The following CNTN4 variants were observed in gnomAD, a reference collection of about 807,000 sequenced individuals.
CNTN4 encodes contactin 4, also known as contactin-4.
Under a neutral mutation model 122.5 loss-of-function variants are expected in CNTN4, and 77 were observed. That is an observed-to-expected ratio of 0.63 (90% confidence interval 0.52 to 0.76). The LOEUF is 0.76. Ranked by LOEUF, CNTN4 falls within the 30% of genes least tolerant of loss-of-function variation. The pLI, the probability that CNTN4 is intolerant of heterozygous loss-of-function variation, is 0.00. For missense variants in CNTN4, 1,256 were observed against 1,259.1 expected, an observed-to-expected ratio of 1.00 and a Z score of 0.04; for synonymous variants, 512 against 447.0, an observed-to-expected ratio of 1.15 and a Z score of -1.83.
intron 3 of CNTN4, among the ~76,000 whole-genome samples, chr3:2,429,956 G>C (rs887469784): frequency 2.0e-5 from 3 of 152,122 alleles, no homozygotes; most frequent in African/African-American, 7.2e-5. Flanking sequence ...AATTTTCCAG[G>C]TGCCATCTGT....
intron 6 of CNTN4, among the ~76,000 whole-genome samples, chr3:2,799,704 C>G (rs970681016): frequency 1.3e-5 from 2 of 152,012 alleles, no homozygotes; most frequent in Non-Finnish European, 2.9e-5. Context: ...AGTTTCAGGT[C>G]ATAACTTTTT....
chr3:2,813,073 A>T (rs549759881), intron 6 of CNTN4, among the ~76,000 whole-genome samples: 1 of 152,338 alleles, frequency 6.6e-6, no homozygotes, highest in South Asian at 2.1e-4. Flanking sequence ...AGTCTCTTCA[A>T]TCCAGGAAAC....
chr3:2,492,318 G>A (rs775861427), intron 3 of CNTN4, among the ~76,000 whole-genome samples: 1 of 152,138 alleles, frequency 6.6e-6, no homozygotes, highest in Non-Finnish European at 1.5e-5. Flanking sequence ...ATTTCAGAGA[G>A]ATTGGAGTTT....
chr3:2,462,396 G>C (rs1307062153), intron 3 of CNTN4, among the ~76,000 whole-genome samples: 1 of 152,142 alleles, frequency 6.6e-6, no homozygotes, highest in Non-Finnish European at 1.5e-5. Flanking sequence ...TTAGATATAG[G>C]ATGAAAGAAT....
chr3:2,118,373 C>T (rs17007913), intron 2 of CNTN4, among the ~76,000 whole-genome samples: 6,758 of 152,168 alleles, frequency 0.044, 347 homozygotes, highest in East Asian at 0.24. Context: ...GCTTAAAACC[C>T]CTTAGTATGT....
rs1156913958 is a variant in CNTN4 at position 2,762,220 on chromosome 3, C to T, written c.358+16523C>T. ...AGTGTTTGTATATAAGGTAATTTTTCAACTTTTTAATTTCAGGAATACACG... is the reference window on the plus strand; with the variant it reads ...AGTGTTTGTATATAAGGTAATTTTTTAACTTTTTAATTTCAGGAATACACG... On this transcript the variant is annotated intron_variant, in intron 6 of 24. Coordinates refer to ENST00000418658, the MANE Select transcript of CNTN4 (RefSeq NM_175607.3). Among the ~76,000 whole-genome samples the T allele has an allele frequency of 3.9e-5, 6 of 152,162 alleles. No homozygotes were observed. In the East Asian group the frequency reaches 1.2e-3, roughly 29 times the overall value.
chr3:2,124,774 C>A (rs1265708509), intron 2 of CNTN4, among the ~76,000 whole-genome samples: 1 of 152,048 alleles, frequency 6.6e-6, no homozygotes, highest in African/African-American at 2.4e-5. Flanking sequence ...AACAACCAAC[C>A]AACCAACAAA....
intron 3 of CNTN4, among the ~76,000 whole-genome samples, chr3:2,453,477 A>G (rs1044047033): frequency 2.0e-5 from 3 of 152,148 alleles, no homozygotes; most frequent in Non-Finnish European, 4.4e-5. Context: ...ACCTCATCTC[A>G]AAATAAATGA....
Position 2,709,597 on chromosome 3 carries a change from G to A in CNTN4, c.56-26618G>A, listed in dbSNP as rs930252972. Among the ~76,000 whole-genome samples, 2 of 152,142 alleles carry A rather than the reference G, an allele frequency of 1.3e-5. No homozygotes were observed. The highest frequency in any genetic ancestry group is 1.3e-4 in the Admixed American group (2 of 15,280). On this transcript the variant is annotated intron_variant, in intron 4 of 24. Coordinates refer to ENST00000418658, the MANE Select transcript of CNTN4 (RefSeq NM_175607.3). This position sits in a 1 kb window ranked among gnomAD's most constrained non-coding sequence, Gnocchi z 5.0. ...TGAACAATTTCACATATTGAAAAAT[G>A]TTTTTAATAATTAATCATTTAAATT...
intron 2 of CNTN4, among the ~76,000 whole-genome samples, chr3:2,317,498 G>A (rs554704222): frequency 1.3e-5 from 2 of 152,188 alleles, no homozygotes; most frequent in African/African-American, 2.4e-5. Flanking sequence ...CCTGGATTTC[G>A]CGCTCCCTCT....
intron 2 of CNTN4, among the ~76,000 whole-genome samples, chr3:2,134,595 C>T (rs2034599875): frequency 6.6e-6 from 1 of 152,154 alleles, no homozygotes; most frequent in Non-Finnish European, 1.5e-5. Context: ...TGGTTCCCAA[C>T]TAGGGGCATC....
At chr3:3,011,271 A>ATCC (rs1354599666) in intron 14 of CNTN4, among the ~76,000 whole-genome samples, 1 of 152,172 alleles carries the variant, frequency 6.6e-6, no homozygotes, top group African/African-American at 2.4e-5. Context: ...ATGCCCCATA[A>ATCC]ACTACTCCAA....
At chr3:2,827,030 A>G (rs2150337924) in intron 7 of CNTN4, among the ~76,000 whole-genome samples, 1 of 152,240 alleles carries the variant, frequency 6.6e-6, no homozygotes, top group African/African-American at 2.4e-5. Flanking sequence ...TATTCTTTGC[A>G]TTCTAAGTAT....
intron 4 of CNTN4, among the ~76,000 whole-genome samples, chr3:2,684,283 T>C (rs766533079): frequency 5.9e-5 from 9 of 152,012 alleles, no homozygotes; most frequent in Non-Finnish European, 1.2e-4. Context: ...AAAAAAGAGC[T>C]AAGAAGGCAG....
At chr3:2,216,800 C>G (rs745936164) in intron 2 of CNTN4, among the ~76,000 whole-genome samples, 1 of 152,096 alleles carries the variant, frequency 6.6e-6, no homozygotes, top group Non-Finnish European at 1.5e-5. Flanking sequence ...CCCCTCCTCA[C>G]TCCATAGTTA....
At chr3:2,606,672 C>T (rs1354632653) in intron 4 of CNTN4, among the ~76,000 whole-genome samples, 1 of 152,130 alleles carries the variant, frequency 6.6e-6, no homozygotes, top group Non-Finnish European at 1.5e-5. Flanking sequence ...TTTGCCCCTC[C>T]ATGCTCCTAC....
chr3:2,974,403 T>C (rs572984985), intron 13 of CNTN4, among the ~76,000 whole-genome samples: 3 of 152,220 alleles, frequency 2.0e-5, no homozygotes, highest in Non-Finnish European at 2.9e-5. Context: ...CTGTTTACCA[T>C]GCACCATCAC....
intron 2 of CNTN4, among the ~76,000 whole-genome samples, chr3:2,102,221 G>C (rs932691598): frequency 1.3e-5 from 2 of 152,200 alleles, no homozygotes; most frequent in Non-Finnish European, 2.9e-5. Context: ...CCACATTGCA[G>C]TGTTGTGTGG....
chr3:2,865,982 AT>A (rs955800028), intron 7 of CNTN4, among the ~76,000 whole-genome samples: 3 of 151,998 alleles, frequency 2.0e-5, no homozygotes, highest in Non-Finnish European at 2.9e-5. Context: ...CGTGGATCTA[AT>A]TTTTTTTAAT....
Sources: allele counts gnomAD v4.1 joint callset (sites outside exome capture counted in the v4.1 genomes callset), GRCh38; gene constraint gnomAD v4.1.1; non-coding constraint Gnocchi (gnomAD v3.1); transcripts MANE v1.5; gene names NCBI Gene and HGNC (gene_info 2026-07-23, HGNC 2026-07-21).